TRAP1: variants seen among roughly 807,000 people sequenced by gnomAD.
The protein encoded by TRAP1 is TNF receptor associated protein 1.
A neutral mutation model predicts 89.1 loss-of-function variants in TRAP1; 102 were observed. That is an observed-to-expected ratio of 1.15 (90% CI 0.98 to 1.35). The LOEUF is 1.35. TRAP1 is among the 40% of genes most tolerant of loss of function. The pLI, the probability that TRAP1 is intolerant of heterozygous loss-of-function variation, is 0.00. For synonymous variants in TRAP1, 508 were observed against 388.0 expected (o/e 1.31, Z -3.64); for missense variants, 1,256 against 945.3 (o/e 1.33, Z -4.31).
intron 1 of TRAP1, among the ~76,000 whole-genome samples, chr16:3,706,147 T>A (rs551041408): frequency 6.6e-6 from 1 of 151,968 alleles, no homozygotes; most frequent in African/African-American, 2.4e-5. Flanking sequence ...TAGAGACGGG[T>A]TTTGCCATGT....
chr16:3,716,520 G>A (rs1004712682), intron 1 of TRAP1, among the ~76,000 whole-genome samples: 1 of 152,176 alleles, frequency 6.6e-6, no homozygotes, highest in Non-Finnish European at 1.5e-5. Context: ...GTCACTGGAA[G>A]GCACATGGAC....
intron 1 of TRAP1, among the ~76,000 whole-genome samples, chr16:3,691,322 T>C (rs940358603): frequency 4.6e-5 from 7 of 152,198 alleles, no homozygotes; most frequent in African/African-American, 1.2e-4. Flanking sequence ...ACTCAGGCAA[T>C]GCTCCTGCCT....
Position 3,664,474 on chromosome 16 carries a change from G to A in TRAP1, c.1384-15C>T, listed in dbSNP as rs1253571879. The A allele has an allele frequency of 3.7e-6, 6 of 1,600,992 alleles. No individual in the cohort carries two copies. Among genetic ancestry groups the A allele is most frequent in the Non-Finnish European group, 5.1e-6 (6 of 1,175,112 alleles). ...GCTATGTCCTCCTAGAAGGGACGGGGCAGGTCACCACTTATTCCAGGCCCA... is the reference window on the plus strand; with the variant it reads ...GCTATGTCCTCCTAGAAGGGACGGGACAGGTCACCACTTATTCCAGGCCCA... On this transcript the variant is annotated splice_polypyrimidine_tract_variant and intron_variant, in intron 12 of 17. Transcript: ENST00000246957.
intron 7 of TRAP1, among the ~76,000 whole-genome samples, chr16:3,675,760 C>A (rs74005845): frequency 0.011 from 1,697 of 152,326 alleles, 33 homozygotes; most frequent in African/African-American, 0.039. Flanking sequence ...CAGGACTGCG[C>A]CAAACCCCCA....
intron 1 of TRAP1, among the ~76,000 whole-genome samples, chr16:3,692,504 A>G (rs1000360297): frequency 6.6e-6 from 1 of 150,856 alleles, no homozygotes; most frequent in African/African-American, 2.4e-5. Flanking sequence ...CCGCTGCACT[A>G]CAGGCTGGGT....
At chr16:3,692,791 G>A (rs2051234021) in intron 1 of TRAP1, among the ~76,000 whole-genome samples, 1 of 151,024 alleles carries the variant, frequency 6.6e-6, no homozygotes, top group African/African-American at 2.4e-5. Flanking sequence ...TAGAGACAGG[G>A]TTTCACCATG....
chr16:3,715,264 C>A (rs1309956130), intron 1 of TRAP1, among the ~76,000 whole-genome samples: 1 of 152,142 alleles, frequency 6.6e-6, no homozygotes, highest in Admixed American at 6.6e-5. Flanking sequence ...GGGTGAAACC[C>A]CGTCTCTACT....
Position 3,703,151 on chromosome 16 carries a change from A to AC in TRAP1, c.89-12167dup, listed in dbSNP as rs752171039. Reference sequence around the variant, plus strand: ...CTAGTTAGAAAATATGACATAAGAGACCCCAGGAACAAAAACTAAACAATT... The same window carrying AC: ...CTAGTTAGAAAATATGACATAAGAGACCCCCAGGAACAAAAACTAAACAATT... On this transcript the variant is annotated intron_variant, in intron 1 of 17. Coordinates refer to ENST00000246957, the MANE Select transcript of TRAP1 (RefSeq NM_016292.3). Among the ~76,000 whole-genome samples the AC allele has an allele frequency of 2.7e-5, 4 of 150,428 alleles. No individual in the cohort carries two copies. The South Asian group carries it at 8.4e-4, about 32-fold the overall frequency.
At chr16:3,667,473 A>C (rs908672458) in intron 11 of TRAP1, among the ~76,000 whole-genome samples, 3 of 151,442 alleles carry the variant, frequency 2.0e-5, no homozygotes, top group African/African-American at 7.3e-5. Context: ...AAAATACAAA[A>C]AATTACCAGG....
Position 3,662,025 on chromosome 16 carries a change from G to A in TRAP1, c.1902C>T (p.Arg634=), listed in dbSNP as rs771722670. ...CCAGCGTGGGCTGCAGGAGCTGTGC[G>A]CGCTCCTCCTGGGTCTTGGCCAGCT... The part of the protein sequence containing the change: ...MQQLAKTQEE[R]AQLLQPTLEI... The change falls in exon 16 of 18, where the codon CGC becomes CGT. Residue 634 remains arginine (R), a synonymous_variant. Coordinates refer to ENST00000246957, the MANE Select transcript of TRAP1 (RefSeq NM_016292.3). 8.7e-6 allele frequency: 14 copies of A among 1,612,904 alleles called. No homozygotes were observed. Among genetic ancestry groups the A allele is most frequent in the Admixed American group, 3.3e-5 (2 of 59,968 alleles).
intron 17 of TRAP1, 155 bp from the exon 18 acceptor site, chr16:3,658,385 G>A: frequency 1.5e-6 from 1 of 669,004 alleles, no homozygotes; most frequent in Non-Finnish European, 2.5e-6. Context: ...CTCCCAAAGT[G>A]CTGGGATTAC....
intron 12 of TRAP1, chr16:3,665,596 C>T (rs888853696): frequency 2.7e-5 from 6 of 226,040 alleles, no homozygotes; most frequent in Non-Finnish European, 5.2e-5. Context: ...CTGAGACCAC[C>T]CACTTCCCCA....
At chr16:3,667,989 C>T (rs1338302095) in intron 11 of TRAP1, among the ~76,000 whole-genome samples, 1 of 140,762 alleles carries the variant, frequency 7.1e-6, no homozygotes, top group Non-Finnish European at 1.5e-5. Flanking sequence ...AGTGCAGTGG[C>T]GTGATTTTGG....
intron 1 of TRAP1, among the ~76,000 whole-genome samples, chr16:3,702,750 G>A (rs7191949): frequency 0.15 from 22,504 of 150,650 alleles, 1,979 homozygotes; most frequent in South Asian, 0.25. Flanking sequence ...GTCTTTAAGA[G>A]AAATTTAAAA....
chr16:3,707,722 C>T (rs774405086), intron 1 of TRAP1, among the ~76,000 whole-genome samples: 3 of 151,328 alleles, frequency 2.0e-5, no homozygotes, highest in African/African-American at 7.3e-5. Flanking sequence ...GGAGTCGCAG[C>T]GGGCATCTGT....
At chr16:3,663,873 A>AC in intron 13 of TRAP1, 1 of 381,608 alleles carries the variant, frequency 2.6e-6, no homozygotes, top group South Asian at 3.6e-5. Context: ...GGAGTTCGAG[A>AC]CCAACATGGT....
chr16:3,698,957 C>A (rs1311411927), intron 1 of TRAP1, among the ~76,000 whole-genome samples: 1 of 152,084 alleles, frequency 6.6e-6, no homozygotes, highest in Non-Finnish European at 1.5e-5. Context: ...AGATACCAAA[C>A]ACGCTAGCTG....
At chr16:3,684,417 A>G (rs2051112402) in intron 4 of TRAP1, among the ~76,000 whole-genome samples, 1 of 152,226 alleles carries the variant, frequency 6.6e-6, no homozygotes, top group Non-Finnish European at 1.5e-5. Flanking sequence ...ATGGAATGGC[A>G]TAATACCTCT....
rs192542628 is a variant in TRAP1 at position 3,701,661 on chromosome 16, T to C, written c.89-10676A>G. ...AAGCGAAGGAGCACCAAACTATATA[T>C]GAACACAGCAAGCTCTCCACGAGCT... On this transcript the variant is annotated intron_variant, in intron 1 of 17. Transcript: ENST00000246957. Among the ~76,000 whole-genome samples, 4 of 151,876 alleles carry C rather than the reference T, an allele frequency of 2.6e-5. No individual in the cohort carries two copies. The South Asian group carries it at 6.2e-4, about 24-fold the overall frequency.
Sources: allele counts gnomAD v4.1 joint callset (sites outside exome capture counted in the v4.1 genomes callset), GRCh38; gene constraint gnomAD v4.1.1; transcripts MANE v1.5; gene names NCBI Gene and HGNC (gene_info 2026-07-23, HGNC 2026-07-21).